The following CHRDL1 variants were observed in gnomAD, a reference collection of about 807,000 sequenced individuals.
The protein encoded by CHRDL1 is chordin like 1.
In CHRDL1, 19 loss-of-function variants were observed where a neutral mutation model predicts 40.9. The observed-to-expected ratio is 0.46, with a 90% CI of 0.32 to 0.68. CHRDL1 has a LOEUF of 0.68. Ranked by LOEUF, CHRDL1 falls within the 30% of genes least tolerant of loss-of-function variation. The probability of loss-of-function intolerance (pLI) is 0.03; values close to 1 mark genes in which losing one functional copy is unlikely to be tolerated. For synonymous variants in CHRDL1, 136 were observed against 123.4 expected (o/e 1.10, Z -0.68); for missense variants, 329 against 352.1 (o/e 0.93, Z 0.53).
chrX:110,784,560 C>T (rs957307780), intron 2 of CHRDL1, among the ~76,000 whole-genome samples: 5 of 110,292 alleles, frequency 4.5e-5, no homozygotes, highest in Admixed American at 1.9e-4. Context: ...TACAGGCACC[C>T]GCCACTACGC....
chrX:110,732,208 G>A (rs1569474752), intron 4 of CHRDL1, among the ~76,000 whole-genome samples: 2 of 111,244 alleles, frequency 1.8e-5, no homozygotes, highest in African/African-American at 6.5e-5. Flanking sequence ...CCCAGCCGTG[G>A]TGTATCCACT....
At chrX:110,691,182 C>T (rs2070269265) in intron 8 of CHRDL1, among the ~76,000 whole-genome samples, 1 of 106,399 alleles carries the variant, frequency 9.4e-6, no homozygotes, top group South Asian at 4.5e-4. Flanking sequence ...CCATTACACC[C>T]CAGCCTGGGT....
chrX:110,737,963 T>C (rs1191504222), intron 4 of CHRDL1, among the ~76,000 whole-genome samples: 1 of 111,817 alleles, frequency 8.9e-6, no homozygotes, highest in South Asian at 3.8e-4. Context: ...TGGCATCTAG[T>C]GGGTAGAGGT....
At chrX:110,766,598 G>A (rs1431762693) in intron 2 of CHRDL1, among the ~76,000 whole-genome samples, 1 of 111,209 alleles carries the variant, frequency 9.0e-6, no homozygotes, top group African/African-American at 3.3e-5. Flanking sequence ...AGAAGAGATG[G>A]ATAAATTCCT....
chrX:110,775,810 T>C lies in CHRDL1; in HGVS notation c.95-13003A>G, dbSNP rs1441194457. 2.7e-5 allele frequency among the ~76,000 whole-genome samples: 3 copies of C among 111,161 alleles called. No individual in the cohort carries two copies. In the Admixed American group the frequency reaches 2.9e-4, roughly 11 times the overall value. ...TTTTTTTTTTGTCTTCCTTTCTTTTTCTGTCTTCTCTGGTTTTAACTGAAC... is the reference window on the plus strand; with the variant it reads ...TTTTTTTTTTGTCTTCCTTTCTTTTCCTGTCTTCTCTGGTTTTAACTGAAC... On this transcript the variant is annotated intron_variant, in intron 2 of 11. Transcript: ENST00000372042.
At chrX:110,704,331 AT>A (rs1202963460) in intron 6 of CHRDL1, among the ~76,000 whole-genome samples, 1 of 111,673 alleles carries the variant, frequency 9.0e-6, no homozygotes, top group African/African-American at 3.3e-5. Context: ...AAAATATAAA[AT>A]TTTGTAAAAG....
chrX:110,787,532 C>A (rs2090036349), intron 2 of CHRDL1, among the ~76,000 whole-genome samples: 1 of 112,619 alleles, frequency 8.9e-6, no homozygotes, highest in African/African-American at 3.2e-5. Context: ...TCAATAATCA[C>A]CTCAAATGAC....
In CHRDL1 at chrX:110,689,544, C is replaced by CTATATATA. The variant is rs2070136911; in HGVS notation, c.779-742_779-741insTATATATA. 6.0e-4 allele frequency among the ~76,000 whole-genome samples: 6 copies of CTATATATA among 10,042 alleles called. 1 individual carries two copies. Among genetic ancestry groups the CTATATATA allele is most frequent in the African/African-American group, 3.6e-3 (5 of 1,397 alleles). 8.7% of individuals were successfully genotyped at this position (10,042 alleles called of 115,157 possible). ...TATATCTATCTATATATCTCTATAT[C>CTATATATA]TCTATATATCTATATATCTATATAT... is the stretch of plus-strand genomic sequence containing the variant. On this transcript the variant is annotated intron_variant, in intron 8 of 11. Transcript: ENST00000372042.
chrX:110,772,617 C>A (rs746346389), intron 2 of CHRDL1, among the ~76,000 whole-genome samples: 1 of 112,590 alleles, frequency 8.9e-6, no homozygotes, highest in African/African-American at 3.2e-5. Flanking sequence ...CCAGCCTGAG[C>A]GATAGAGCAA....
intron 7 of CHRDL1, 117 bp from the exon 8 acceptor site, chrX:110,694,448 G>T: frequency 2.0e-6 from 1 of 490,849 alleles, no homozygotes; most frequent in Non-Finnish European, 3.3e-6. Context: ...TCTGATTTCA[G>T]CTGCATGCTT....
At chrX:110,700,578 G>T in intron 7 of CHRDL1, 76 bp downstream of exon 7, 1 of 711,498 alleles carries the variant, frequency 1.4e-6, no homozygotes, top group Non-Finnish European at 2.2e-6. Flanking sequence ...GGATTTGCTA[G>T]AATAGTAGCC....
intron 4 of CHRDL1, among the ~76,000 whole-genome samples, chrX:110,747,562 T>C (rs1332409091): frequency 8.9e-6 from 1 of 111,824 alleles, no homozygotes; most frequent in Non-Finnish European, 1.9e-5. Context: ...TCTGGTACTT[T>C]TGCCTCCAAT....
chrX:110,733,121 C>A (rs1353698596), intron 4 of CHRDL1, among the ~76,000 whole-genome samples: 1 of 112,016 alleles, frequency 8.9e-6, no homozygotes, highest in Non-Finnish European at 1.9e-5. Flanking sequence ...GGTCCAGTGT[C>A]CAGAGTTACT....
intron 3 of CHRDL1, among the ~76,000 whole-genome samples, chrX:110,761,088 A>C (rs2089555856): frequency 8.9e-6 from 1 of 112,128 alleles, no homozygotes; most frequent in African/African-American, 3.2e-5. Flanking sequence ...ACCAAGACTA[A>C]GTATTGTTTT....
intron 4 of CHRDL1, among the ~76,000 whole-genome samples, chrX:110,727,598 G>C (rs760055211): frequency 9.9e-4 from 111 of 111,777 alleles, no homozygotes; most frequent in Non-Finnish European, 1.8e-3. Flanking sequence ...GACAGAAATG[G>C]AACTACAAGT....
At chrX:110,741,422 A>G (rs1320338855) in intron 4 of CHRDL1, among the ~76,000 whole-genome samples, 1 of 111,294 alleles carries the variant, frequency 9.0e-6, no homozygotes, top group Non-Finnish European at 1.9e-5. Flanking sequence ...CACTGCCTGG[A>G]GAGTCCATGG....
At chrX:110,753,852 C>T (rs775554987) in intron 4 of CHRDL1, among the ~76,000 whole-genome samples, 1 of 112,101 alleles carries the variant, frequency 8.9e-6, no homozygotes, top group Non-Finnish European at 1.9e-5. Flanking sequence ...CAGTCAAATG[C>T]CATGTACCCA....
At chrX:110,778,771 A>G (rs1319464969) in intron 2 of CHRDL1, among the ~76,000 whole-genome samples, 1 of 111,961 alleles carries the variant, frequency 8.9e-6, no homozygotes, top group African/African-American at 3.2e-5. Flanking sequence ...AAGGAATATA[A>G]ATCACTCTAC....
intron 2 of CHRDL1, among the ~76,000 whole-genome samples, chrX:110,768,495 G>A (rs1447389904): frequency 9.0e-6 from 1 of 110,542 alleles, no homozygotes; most frequent in Non-Finnish European, 1.9e-5. Flanking sequence ...CAGTAGACTG[G>A]GAGAGGAAGA....
Sources: gnomAD v4.1 joint callset for allele counts (sites outside exome capture counted in the v4.1 genomes callset) on GRCh38, gnomAD v4.1.1 for gene constraint, MANE v1.5 for transcripts, NCBI Gene and HGNC (gene_info 2026-07-23, HGNC 2026-07-21) for gene names.